The following ANKRD17 variants were observed in gnomAD, a reference collection of about 807,000 sequenced individuals.
The protein encoded by ANKRD17 is ankyrin repeat domain-containing protein 17.
Under a neutral mutation model 229.7 loss-of-function variants are expected in ANKRD17, and 19 were observed. The ratio of observed to expected loss-of-function variants is 0.08; its 90% confidence interval spans 0.06 to 0.12. The LOEUF (loss-of-function observed/expected upper bound fraction) is 0.12, where lower values mean the gene tolerates loss of function less well. Among genes scored for constraint, ANKRD17 ranks in the 10% least tolerant of loss-of-function variants. The pLI is 1.00. For synonymous variants in ANKRD17, 1,112 were observed against 1,146.1 expected (o/e 0.97, Z 0.60); for missense variants, 2,176 against 3,176.8 (o/e 0.68, Z 7.57).
chr4:73,090,732 T>A lies in ANKRD17; in HGVS notation c.6896A>T (p.Gln2299Leu). ...ACCTGGAGCTTTGGAAGTATCAGAC[T>A]GATGTAAAGGATCTGAATTTGGCAA... Reference protein sequence around the residue: ...SYLPNSDPLHQSDTSKAPGFR... With the variant: ...SYLPNSDPLHLSDTSKAPGFR... Residue 2299 changes from glutamine to leucine, a missense_variant, in exon 29 of 34, where the codon CAG (glutamine) becomes CTG (leucine). By Grantham distance (113) the Gln-to-Leu change is moderately radical. Transcript: ENST00000358602. 6.2e-7 allele frequency: 1 copy of A among 1,614,220 alleles called. No individual in the cohort carries two copies. Among genetic ancestry groups the A allele is most frequent in the Non-Finnish European group, 8.5e-7 (1 of 1,180,030 alleles).
intron 1 of ANKRD17, among the ~76,000 whole-genome samples, chr4:73,241,638 A>G (rs1382364751): frequency 1.3e-5 from 2 of 151,846 alleles, no homozygotes; most frequent in African/African-American, 4.9e-5. Context: ...CACAACATAT[A>G]AGACTAAAAG....
Position 73,098,221 on chromosome 4 carries a change from C to G in ANKRD17, c.4873G>C (p.Glu1625Gln), listed in dbSNP as rs766509752. The change falls in exon 26 of 34, where the codon GAA becomes CAA. Residue 1625 changes from glutamate to glutamine, a missense_variant. Glu to Gln is a conservative substitution (Grantham distance 29). Around this residue, in one of 18 missense-constraint regions of ANKRD17, gnomAD observed 98 missense variants for 101.0 expected, o/e 0.97. Coordinates refer to ENST00000358602, the MANE Select transcript of ANKRD17 (RefSeq NM_032217.5). ...DNMRISSCSD[E>Q]SSNSNSSRKS... ...CGACTGCTGTTGCTGTTACTACTTT[C>G]ATCGCTGCAGCTGGAAATCCTCATG... 1 of 1,614,062 alleles carries G rather than the reference C, an allele frequency of 6.2e-7. No individual in the cohort carries two copies. The highest frequency in any genetic ancestry group is 8.5e-7 in the Non-Finnish European group (1 of 1,180,040).
intron 2 of ANKRD17, among the ~76,000 whole-genome samples, chr4:73,167,273 A>G (rs1392635714): frequency 6.6e-6 from 1 of 152,220 alleles, no homozygotes; most frequent in Non-Finnish European, 1.5e-5. Context: ...AAGGAAATAA[A>G]GGAGTGAGGG....
chr4:73,108,454 CA>C (rs1024648325), intron 24 of ANKRD17, among the ~76,000 whole-genome samples: 9 of 152,016 alleles, frequency 5.9e-5, no homozygotes, highest in African/African-American at 2.2e-4. Context: ...TGTAACAAGT[CA>C]AAAGGCTTTT....
At chr4:73,142,146 G>T in intron 13 of ANKRD17, 96 bp downstream of exon 13, 1 of 1,279,142 alleles carries the variant, frequency 7.8e-7, no homozygotes, top group Non-Finnish European at 1.0e-6. Flanking sequence ...CTACATATTA[G>T]AACAAAAAAA....
chr4:73,076,522 G>T, intron 33 of ANKRD17, among the ~76,000 whole-genome samples: 1 of 151,406 alleles, frequency 6.6e-6, no homozygotes. Context: ...ATAGATTCAC[G>T]GTTGTGGAAG....
At position 73,091,299 on chromosome 4, in the gene ANKRD17, T is replaced by C; in HGVS notation, c.6329A>G (p.Gln2110Arg). 1 of 1,614,150 alleles carries C rather than the reference T, an allele frequency of 6.2e-7. No individual in the cohort carries two copies. Among genetic ancestry groups the C allele is most frequent in the South Asian group, 1.1e-5 (1 of 91,090 alleles). The change falls in exon 29 of 34, where the codon CAA becomes CGA. Residue 2110 changes from glutamine (Q) to arginine (R), a missense_variant. By Grantham distance (43) the Gln-to-Arg change is conservative. Coordinates refer to ENST00000358602, the MANE Select transcript of ANKRD17 (RefSeq NM_032217.5). Reference sequence around the variant, plus strand: ...TTCCTGAGAAACAGATCCCGGAGGTTGTTGCTGATTAGAATGAGCTGATGA... The same window carrying C: ...TTCCTGAGAAACAGATCCCGGAGGTCGTTGCTGATTAGAATGAGCTGATGA... Reference protein sequence around the residue: ...GSSSAHSNQQQPPGSVSQEPR... With the variant: ...GSSSAHSNQQRPPGSVSQEPR...
chr4:73,178,932 GTAC>G (rs1486810014), intron 1 of ANKRD17, among the ~76,000 whole-genome samples: 2 of 151,776 alleles, frequency 1.3e-5, no homozygotes, highest in Admixed American at 1.3e-4. Context: ...CAAATCTAAG[GTAC>G]TACTAACACT....
chr4:73,129,818 G>A (rs1727955190), intron 16 of ANKRD17, among the ~76,000 whole-genome samples: 1 of 147,800 alleles, frequency 6.8e-6, no homozygotes, highest in South Asian at 2.1e-4. Flanking sequence ...AGGCTAGAGT[G>A]CAGTGGCTCA....
At chr4:73,201,030 T>C (rs1738611395) in intron 1 of ANKRD17, among the ~76,000 whole-genome samples, 1 of 150,690 alleles carries the variant, frequency 6.6e-6, no homozygotes, top group African/African-American at 2.5e-5. Context: ...ATACTGCATG[T>C]ATTACAATAT....
Position 73,125,193 on chromosome 4 carries a change from G to T in ANKRD17, c.3346+8C>A. 1 of 1,595,630 alleles carries T rather than the reference G, an allele frequency of 6.3e-7. No individual in the cohort carries two copies. On this transcript the variant is annotated splice_region_variant and intron_variant, in intron 17 of 33. Transcript: ENST00000358602. The stretch of plus-strand genomic sequence containing the variant: ...TATTCCAAAAAATAAAACAAAAGTA[G>T]GCCCTACCTTTCTTGTCTCGGTGCT...
chr4:73,098,881 C>G (rs963065897), intron 25 of ANKRD17: 19 of 1,300,696 alleles, frequency 1.5e-5, no homozygotes, highest in Non-Finnish European at 3.3e-6. Context: ...AAATGGACAG[C>G]ACTGAGAAGC....
chr4:73,129,780 TGAGA>T (rs1225286926), intron 16 of ANKRD17, among the ~76,000 whole-genome samples: 1 of 141,682 alleles, frequency 7.1e-6, no homozygotes, highest in African/African-American at 2.6e-5. Context: ...TTTTTTTTTT[TGAGA>T]GAGAGAGTCT....
chr4:73,230,655 G>C (rs1027310891), intron 1 of ANKRD17, among the ~76,000 whole-genome samples: 9 of 152,124 alleles, frequency 5.9e-5, no homozygotes, highest in Non-Finnish European at 1.3e-4. Flanking sequence ...ACCTAGAAAA[G>C]TACAGAAGAG....
intron 27 of ANKRD17, among the ~76,000 whole-genome samples, chr4:73,094,965 G>T (rs1158777644): frequency 6.6e-6 from 1 of 152,046 alleles, no homozygotes; most frequent in Non-Finnish European, 1.5e-5. Flanking sequence ...TATGTCAGGA[G>T]TTCGAGACCA....
chr4:73,156,198 T>A (rs1340487256), intron 3 of ANKRD17, 32 bp from the exon 4 acceptor site: 1 of 1,549,504 alleles, frequency 6.5e-7, no homozygotes, highest in East Asian at 2.3e-5. Flanking sequence ...AATACCAGAA[T>A]ATAAGAATAT....
At position 73,250,917 on chromosome 4, in the gene ANKRD17, T is replaced by A. The variant is rs2149282280; in HGVS notation, c.393+7359A>T. On this transcript the variant is annotated intron_variant, in intron 1 of 33. Transcript: ENST00000358602. ...CTCTGATGTTTCAAATGTAAAATCT[T>A]TACATTTCCTTCTCCCCACTCTCTT... is the stretch of plus-strand genomic sequence containing the variant. Among the ~76,000 whole-genome samples the A allele has an allele frequency of 1.3e-5, 2 of 152,214 alleles. 1 individual carries two copies. The highest frequency in any genetic ancestry group is 4.1e-4 in the South Asian group (2 of 4,822).
At chr4:73,162,133 C>T (rs1364508585) in intron 2 of ANKRD17, among the ~76,000 whole-genome samples, 1 of 151,818 alleles carries the variant, frequency 6.6e-6, no homozygotes. Context: ...TTACTGCAGC[C>T]TCAGCGTCCT....
At chr4:73,223,169 T>A in intron 1 of ANKRD17, 1 of 802,686 alleles carries the variant, frequency 1.2e-6, no homozygotes, top group South Asian at 1.9e-5. Context: ...TAGCCAGGCA[T>A]CTACCAAAAG....
Sources: gnomAD v4.1 joint callset for allele counts (sites outside exome capture counted in the v4.1 genomes callset) on GRCh38, gnomAD v4.1.1 for gene constraint, gnomAD v4.1.1 regional missense constraint, MANE v1.5 for transcripts, NCBI Gene and HGNC (gene_info 2026-07-23, HGNC 2026-07-21) for gene names.